Variants in PLPP2 observed in about 807,000 individuals in gnomAD.
PLPP2 encodes the protein phospholipid phosphatase 2.
PLPP2 carries 29 observed loss-of-function variants against 35.2 expected under a neutral mutation model. The observed-to-expected ratio is 0.82, with a 90% CI of 0.61 to 1.12. The LOEUF (loss-of-function observed/expected upper bound fraction) is 1.12, where lower values mean the gene tolerates loss of function less well. Ranked by LOEUF, PLPP2 falls within the 50% of genes most tolerant of loss-of-function variation. The probability of loss-of-function intolerance (pLI) is 0.00; values close to 1 mark genes in which losing one functional copy is unlikely to be tolerated. For synonymous variants in PLPP2, 162 were observed against 167.0 expected, an observed-to-expected ratio of 0.97 and a Z score of 0.23; for missense variants, 353 against 375.2, an observed-to-expected ratio of 0.94 and a Z score of 0.49.
At chr19:291,218 G>C (rs1181969904) in intron 1 of PLPP2, 67 bp downstream of exon 1, 1 of 1,590,570 alleles carries the variant, frequency 6.3e-7, no homozygotes, top group East Asian at 2.3e-5. Flanking sequence ...CTGCAAACTT[G>C]CGCGCAGCCG....
chr19:290,095 G>C (rs976348637), intron 1 of PLPP2, among the ~76,000 whole-genome samples: 1 of 152,002 alleles, frequency 6.6e-6, no homozygotes, highest in African/African-American at 2.4e-5. Context: ...GAGCCCTCCC[G>C]CCCTCACACT....
intron 1 of PLPP2, among the ~76,000 whole-genome samples, chr19:290,799 C>T (rs747194854): frequency 1.3e-5 from 2 of 152,172 alleles, no homozygotes; most frequent in Admixed American, 6.5e-5. Flanking sequence ...CCCGCACGTG[C>T]ACGGGTTCGA....
In PLPP2 at chr19:281,267, C is replaced by A. The variant is rs890622347; in HGVS notation, c.*121G>T. ...GGCAGCGGAGCCCGCTCACTGCTCC[C>A]ATCAGCCCAGGGTTCCTGGAGCCCG... On this transcript the variant is annotated 3_prime_UTR_variant, in exon 6 of 6. Coordinates refer to ENST00000434325, the MANE Select transcript of PLPP2 (RefSeq NM_003712.4). The A allele has an allele frequency of 3.3e-5, 33 of 1,010,668 alleles. No homozygotes were observed. Among genetic ancestry groups the A allele is most frequent in the Non-Finnish European group, 3.9e-5 (30 of 774,300 alleles). The allele number at this position is 1,010,668 out of a possible 1,614,324, so 62.6% of individuals were successfully genotyped here.
intron 1 of PLPP2, chr19:290,824 C>G: frequency 2.5e-6 from 2 of 814,260 alleles, no homozygotes; most frequent in Non-Finnish European, 1.6e-6. Flanking sequence ...CGCCGACGCA[C>G]CGGGTGCCAG....
At chr19:289,240 C>A (rs1600085539) in intron 1 of PLPP2, among the ~76,000 whole-genome samples, 1 of 152,210 alleles carries the variant, frequency 6.6e-6, no homozygotes. Context: ...CCCAGCAGGG[C>A]AAGTACAAAA....
At chr19:288,881 C>T (rs916232708) in intron 1 of PLPP2, among the ~76,000 whole-genome samples, 9 of 152,196 alleles carry the variant, frequency 5.9e-5, no homozygotes, top group African/African-American at 2.2e-4. Flanking sequence ...GTTTAATAAA[C>T]ATCGGTTAAA....
rs1269029287 is a variant in PLPP2, at chr19:287,941, C to T, written c.204+79G>A. ...AGACCTCCAGGGCAGGGCTGTGCCA[C>T]CCCCCCATCAGGCCCCCAGGGTAAA... On this transcript the variant is annotated intron_variant, in intron 2 of 5. Transcript: ENST00000434325. The surrounding 1 kb of genome is among the most constrained non-coding windows in gnomAD (Gnocchi z 4.3). 1.3e-6 allele frequency: 2 copies of T among 1,533,108 alleles called. No individual in the cohort carries two copies. The highest frequency in any genetic ancestry group is 1.8e-6 in the Non-Finnish European group (2 of 1,131,592). 95.0% of individuals were successfully genotyped at this position (1,533,108 alleles called of 1,614,324 possible). A position where few individuals can be genotyped will look rare whatever the true frequency, so the allele number is the denominator to read the frequency against.
rs1348330234 is a variant in PLPP2, at chr19:284,717, T to C, written c.483-1908A>G. On this transcript the variant is annotated intron_variant, in intron 3 of 5. Transcript: ENST00000434325. Reference sequence around the variant, plus strand: ...AATATCAATAAAGAGAAAGAAGTTATAAAAAGGAACCAAATAAAGATTTGG... The same window carrying C: ...AATATCAATAAAGAGAAAGAAGTTACAAAAAGGAACCAAATAAAGATTTGG... The C allele has an allele frequency of 7.9e-5, 12 of 152,234 alleles. No individual in the cohort carries two copies. The East Asian group carries it at 1.9e-3, about 24-fold the overall frequency. The allele number at this position is 152,234 out of a possible 1,614,324, so 9.4% of individuals were successfully genotyped here.
At chr19:290,714 G>A (rs1158331038) in intron 1 of PLPP2, among the ~76,000 whole-genome samples, 2 of 151,762 alleles carry the variant, frequency 1.3e-5, no homozygotes, top group Admixed American at 6.6e-5. Flanking sequence ...CCGCCACCCC[G>A]TTCACCCGAA....
Position 287,459 on chromosome 19 carries a change from C to T in PLPP2, c.482+15G>A. 1.3e-6 allele frequency: 2 copies of T among 1,598,778 alleles called. No homozygotes were observed. The highest frequency in any genetic ancestry group is 1.1e-5 in the South Asian group (1 of 90,068). Reference sequence around the variant, plus strand: ...CCATTCCCCACAAGAGTGAAGGCTGCTGGTCCACACCCACCTGGCCTCGGT... The same window carrying T: ...CCATTCCCCACAAGAGTGAAGGCTGTTGGTCCACACCCACCTGGCCTCGGT... On this transcript the variant is annotated intron_variant, in intron 3 of 5. Coordinates refer to ENST00000434325, the MANE Select transcript of PLPP2 (RefSeq NM_003712.4). This position sits in a 1 kb window ranked among gnomAD's most constrained non-coding sequence, Gnocchi z 4.3.
At chr19:285,333 G>A (rs1970253139) in intron 3 of PLPP2, 1 of 151,758 alleles carries the variant, frequency 6.6e-6, no homozygotes, top group Non-Finnish European at 1.5e-5. Flanking sequence ...TCGGCAGGCT[G>A]AGGCAGAGAA....
chr19:282,424 C>G, intron 4 of PLPP2, 114 bp from the exon 5 acceptor site: 2 of 635,380 alleles, frequency 3.1e-6, no homozygotes, highest in Non-Finnish European at 5.0e-6. Context: ...CCTGCACAGA[C>G]GTGTTAGCCT....
rs768710369 is a variant in PLPP2 at position 287,533 on chromosome 19, C to T, written c.423G>A (p.Ser141=). 13 of 1,613,576 alleles carry T rather than the reference C, an allele frequency of 8.1e-6. No homozygotes were observed. Among genetic ancestry groups the T allele is most frequent in the Admixed American group, 3.3e-5 (2 of 60,006 alleles). The change falls in exon 3 of 6, where the codon TCG becomes TCA. Residue 141 remains serine, a synonymous_variant. Transcript: ENST00000434325. The surrounding 1 kb of genome is among the most constrained non-coding windows in gnomAD (Gnocchi z 4.3). Reference sequence around the variant, plus strand: ...ACACCTTCTCCAGCTGCACATAGACCGAGCAGTTGACCCGGCTCCAGTCGG... The same window carrying T: ...ACACCTTCTCCAGCTGCACATAGACTGAGCAGTTGACCCGGCTCCAGTCGG... ...CDPDWSRVNC[S]VYVQLEKVCR...
At chr19:283,626 A>G (rs1342640673) in intron 3 of PLPP2, 1 of 152,298 alleles carries the variant, frequency 6.6e-6, no homozygotes, top group Non-Finnish European at 1.5e-5. Context: ...GCTCTGGGCG[A>G]TGGGGGCCTG....
chr19:282,894 C>G (rs1370744154), intron 3 of PLPP2, 85 bp from the exon 4 acceptor site: 1 of 1,274,208 alleles, frequency 7.8e-7, no homozygotes, highest in Non-Finnish European at 1.1e-6. Context: ...AGGGAGGGCT[C>G]GACACGGAGG....
rs138724162 is a variant in PLPP2 at position 289,396 on chromosome 19, A to G, written c.53-1225T>C. 6.6e-4 allele frequency among the ~76,000 whole-genome samples: 101 copies of G among 152,304 alleles called. 1 individual carries two copies. Among genetic ancestry groups the G allele is most frequent in the South Asian group, 4.4e-3 (21 of 4,824 alleles). ...GGAAATAATCTGGTGAAGAAAACAG[A>G]GGCCTGCCTCACCGAGCAAGAAAGG... On this transcript the variant is annotated intron_variant, in intron 1 of 5. Coordinates refer to ENST00000434325, the MANE Select transcript of PLPP2 (RefSeq NM_003712.4).
chr19:287,683 G>T lies in PLPP2; in HGVS notation c.273C>A (p.Tyr91Ter). The change falls in exon 3 of 6, where the codon TAC becomes TAA. Residue 91 changes from tyrosine (Y) to a stop codon, truncating the protein, a stop_gained. Transcript: ENST00000434325. LOFTEE classifies it high-confidence loss of function. This position sits in a 1 kb window ranked among gnomAD's most constrained non-coding sequence, Gnocchi z 4.3. Reference sequence around the variant, plus strand: ...CCAGCACCTTGTATACAGCAGCCACGTAGTTGTTGAAGTCCGAGCGAGAAT... The same window carrying T: ...CCAGCACCTTGTATACAGCAGCCACTTAGTTGTTGAAGTCCGAGCGAGAAT... ...RLYSRSDFNN[Y>*]VAAVYKVLGT... is the part of the protein sequence containing the mutation. 1 of 1,613,964 alleles carries T rather than the reference G, an allele frequency of 6.2e-7. No homozygotes were observed. Among genetic ancestry groups the T allele is most frequent in the South Asian group, 1.1e-5 (1 of 91,088 alleles).
chr19:289,491 A>G (rs28453035), intron 1 of PLPP2, among the ~76,000 whole-genome samples: 93,323 of 150,896 alleles, frequency 0.62, 29,340 homozygotes, highest in Middle Eastern at 0.65. Context: ...CGAGGCGGGC[A>G]GATCACGAGG....
At position 281,270 on chromosome 19, in the gene PLPP2, CA is replaced by C. The variant is rs1970168291; in HGVS notation, c.*117del. On this transcript the variant is annotated 3_prime_UTR_variant, in exon 6 of 6. Coordinates refer to ENST00000434325, the MANE Select transcript of PLPP2 (RefSeq NM_003712.4). ...AGCGGAGCCCGCTCACTGCTCCCAT[CA>C]GCCCAGGGTTCCTGGAGCCCGTCCA... The C allele has an allele frequency of 9.6e-7, 1 of 1,038,834 alleles. No homozygotes were observed. 64.4% of individuals were successfully genotyped at this position (1,038,834 alleles called of 1,614,324 possible). A position where few individuals can be genotyped will look rare whatever the true frequency, so the allele number is the denominator to read the frequency against.
Sources: gnomAD v4.1 joint callset for allele counts (sites outside exome capture counted in the v4.1 genomes callset) on GRCh38, gnomAD v4.1.1 for gene constraint, Gnocchi (gnomAD v3.1) non-coding constraint, MANE v1.5 for transcripts, NCBI Gene and HGNC (gene_info 2026-07-23, HGNC 2026-07-21) for gene names.